Variants in TCP11L2 observed in about 807,000 individuals in gnomAD.
TCP11L2 encodes T-complex protein 11-like protein 2.
In TCP11L2, 39 loss-of-function variants were observed where a neutral mutation model predicts 50.7. That is an observed-to-expected ratio of 0.77 (90% CI 0.60 to 1.01). The LOEUF (loss-of-function observed/expected upper bound fraction) is 1.01, where lower values mean the gene tolerates loss of function less well. Among genes scored for constraint, TCP11L2 ranks in the 50% least tolerant of loss-of-function variants. TCP11L2 has a pLI of 0.00. For missense variants in TCP11L2, 612 were observed against 614.7 expected, an observed-to-expected ratio of 1.00 and a Z score of 0.05; for synonymous variants, 192 against 219.3, an observed-to-expected ratio of 0.88 and a Z score of 1.10.
chr12:106,328,730 G>C (rs1461803040), intron 6 of TCP11L2, among the ~76,000 whole-genome samples: 2 of 152,198 alleles, frequency 1.3e-5, no homozygotes, highest in East Asian at 3.8e-4. Context: ...TAGCCAAAGG[G>C]AAGTGAATGG....
chr12:106,305,275 A>G (rs73197509), intron 1 of TCP11L2, among the ~76,000 whole-genome samples: 10,537 of 151,858 alleles, frequency 0.069, 399 homozygotes, highest in African/African-American at 0.092. Context: ...AGAACTTATC[A>G]TAGAACAGTT....
intron 3 of TCP11L2, among the ~76,000 whole-genome samples, chr12:106,316,775 C>T (rs984770114): frequency 3.3e-5 from 5 of 152,036 alleles, no homozygotes; most frequent in Non-Finnish European, 7.4e-5. Flanking sequence ...TGTAGTATTC[C>T]CAGTTCCTAA....
intron 4 of TCP11L2, among the ~76,000 whole-genome samples, chr12:106,320,047 C>T (rs1261017136): frequency 6.6e-6 from 1 of 152,204 alleles, no homozygotes; most frequent in African/African-American, 2.4e-5. Flanking sequence ...TGAAATGCAG[C>T]AGATCCTCGC....
chr12:106,346,448 C>G lies in TCP11L2; in HGVS notation c.1478C>G (p.Pro493Arg), dbSNP rs758369181. 30 of 1,614,004 alleles carry G rather than the reference C, an allele frequency of 1.9e-5. No homozygotes were observed. In the East Asian group the frequency reaches 4.9e-4, roughly 26 times the overall value. Residue 493 changes from proline to arginine, a missense_variant, in exon 10 of 10, where the codon CCA becomes CGA. Pro to Arg is a moderately radical substitution (Grantham distance 103). Coordinates refer to ENST00000299045, the MANE Select transcript of TCP11L2 (RefSeq NM_152772.3). ...IVNLNKQVYGPFYANILRKLL... is the reference protein window; with the variant it reads ...IVNLNKQVYGRFYANILRKLL... ...AATCTCAACAAACAAGTGTATGGAC[C>G]ATTTTATGCAAATATACTTCGAAAG...
At chr12:106,309,640 A>G (rs1044127669) in intron 1 of TCP11L2, among the ~76,000 whole-genome samples, 2 of 151,538 alleles carry the variant, frequency 1.3e-5, no homozygotes, top group African/African-American at 2.4e-5. Flanking sequence ...CCGCTCTGCT[A>G]ATCCTGAGCC....
intron 6 of TCP11L2, among the ~76,000 whole-genome samples, chr12:106,326,832 A>T (rs754060363): frequency 6.6e-6 from 1 of 152,180 alleles, no homozygotes; most frequent in Non-Finnish European, 1.5e-5. Flanking sequence ...AGTCATCTGG[A>T]TAGCCAGTTA....
rs781440658 is a variant in TCP11L2 at position 106,336,053 on chromosome 12, C to T, written c.982C>T (p.Arg328Cys). 9 of 1,612,402 alleles carry T rather than the reference C, an allele frequency of 5.6e-6. No homozygotes were observed. Among genetic ancestry groups the T allele is most frequent in the East Asian group, 4.5e-5 (2 of 44,886 alleles). The change falls in exon 8 of 10, where the codon CGT (arginine) becomes TGT (cysteine). Residue 328 changes from arginine (R) to cysteine (C), a missense_variant. Transcript: ENST00000299045. ...TTAGACACTTATGACAGATGGAGCA[C>T]GTCTTCAGGAACTAACAGAAAAGCT... ...LPETLMTDGA[R>C]LQELTEKLNQ...
chr12:106,302,459 C>T (rs1363445321), upstream of TCP11L2, among the ~76,000 whole-genome samples: 1 of 150,024 alleles, frequency 6.7e-6, no homozygotes, highest in Non-Finnish European at 1.5e-5. Flanking sequence ...AGGCCCCGCC[C>T]CCAACGCCGG....
intron 3 of TCP11L2, among the ~76,000 whole-genome samples, chr12:106,315,968 A>G (rs1824364122): frequency 6.6e-6 from 1 of 152,256 alleles, no homozygotes; most frequent in African/African-American, 2.4e-5. Context: ...GTTTTAAAGC[A>G]GGAAAAGTAA....
At chr12:106,328,740 G>C (rs2035642132) in intron 6 of TCP11L2, among the ~76,000 whole-genome samples, 1 of 152,226 alleles carries the variant, frequency 6.6e-6, no homozygotes, top group Non-Finnish European at 1.5e-5. Context: ...GAAGTGAATG[G>C]AAGGATGGAG....
At position 106,333,076 on chromosome 12, in the gene TCP11L2, G is replaced by A. The variant is rs2035798197; in HGVS notation, c.773-2563G>A. 2.0e-5 allele frequency among the ~76,000 whole-genome samples: 3 copies of A among 152,142 alleles called. 1 individual carries two copies. The South Asian group carries it at 6.2e-4, about 32-fold the overall frequency. On this transcript the variant is annotated intron_variant, in intron 6 of 9. Transcript: ENST00000299045. Reference sequence around the variant, plus strand: ...CTGATGGTTACAGGGATCCACATATGTAACACAATTTCTTAGAACTATACA... The same window carrying A: ...CTGATGGTTACAGGGATCCACATATATAACACAATTTCTTAGAACTATACA...
intron 6 of TCP11L2, among the ~76,000 whole-genome samples, chr12:106,333,338 A>G (rs558048895): frequency 6.6e-6 from 1 of 152,350 alleles, no homozygotes; most frequent in African/African-American, 2.4e-5. Context: ...AGCCCTAAAA[A>G]ACAATGAACT....
In TCP11L2 at chr12:106,314,497, A is replaced by G. The variant is rs1385259210; in HGVS notation, c.293+4A>G. The G allele has an allele frequency of 1.3e-6, 2 of 1,586,652 alleles. No individual in the cohort carries two copies. The highest frequency in any genetic ancestry group is 2.2e-5 in the South Asian group (2 of 90,702). ...AAGAGGCTCTCCCAGAAAAGAGGTA[A>G]CCTGGGGGCATTTGTTGTATATAAA... On this transcript the variant is annotated splice_donor_region_variant and intron_variant, in intron 3 of 9. Transcript: ENST00000299045.
chr12:106,342,059 G>A (rs1296106172), intron 9 of TCP11L2, among the ~76,000 whole-genome samples: 1 of 152,104 alleles, frequency 6.6e-6, no homozygotes, highest in African/African-American at 2.4e-5. Context: ...GCTGCCGTGT[G>A]GTACAAAGCA....
chr12:106,311,102 T>G lies in TCP11L2; in HGVS notation c.27T>G (p.Cys9Trp). Residue 9 changes from cysteine to tryptophan, a missense_variant, in exon 2 of 10, where the codon TGT becomes TGG. Coordinates refer to ENST00000299045, the MANE Select transcript of TCP11L2 (RefSeq NM_152772.3). The part of the protein sequence containing the change: MPFNGEKQ[C>W]VGEDQPSDSD... ...TGCCCTTCAATGGCGAGAAGCAGTG[T>G]GTGGGAGAGGACCAGCCAAGCGATT... 1 of 1,614,160 alleles carries G rather than the reference T, an allele frequency of 6.2e-7. No individual in the cohort carries two copies. Among genetic ancestry groups the G allele is most frequent in the Non-Finnish European group, 8.5e-7 (1 of 1,180,030 alleles).
At chr12:106,338,567 A>G (rs550010095) in intron 8 of TCP11L2, among the ~76,000 whole-genome samples, 2 of 152,320 alleles carry the variant, frequency 1.3e-5, no homozygotes, top group African/African-American at 2.4e-5. Context: ...TCCACCATTG[A>G]TGGTCATCTA....
At chr12:106,307,123 T>C (rs1421893940) in intron 1 of TCP11L2, among the ~76,000 whole-genome samples, 2 of 152,260 alleles carry the variant, frequency 1.3e-5, no homozygotes, top group Admixed American at 6.5e-5. Context: ...GTAGTCTTAC[T>C]ACCATTCATT....
At chr12:106,325,618 C>G (rs1431323691) in intron 6 of TCP11L2, 1 of 152,222 alleles carries the variant, frequency 6.6e-6, no homozygotes, top group Non-Finnish European at 1.5e-5. Flanking sequence ...CTGGGCAGGG[C>G]ACAGTGGCTC....
intron 6 of TCP11L2, among the ~76,000 whole-genome samples, chr12:106,328,668 G>T (rs750803092): frequency 3.3e-5 from 5 of 152,174 alleles, no homozygotes; most frequent in Non-Finnish European, 7.3e-5. Context: ...TCAGTTTTGT[G>T]TTATATTACC....
Sources: allele counts gnomAD v4.1 joint callset (sites outside exome capture counted in the v4.1 genomes callset), GRCh38; gene constraint gnomAD v4.1.1; transcripts MANE v1.5; gene names NCBI Gene and HGNC (gene_info 2026-07-23, HGNC 2026-07-21).